Variants in NT5DC3 observed in about 807,000 individuals in gnomAD.
NT5DC3 encodes the protein 5'-nucleotidase domain containing 3.
In NT5DC3, 42 loss-of-function variants were observed where a neutral mutation model predicts 67.8. The ratio of observed to expected loss-of-function variants is 0.62; its 90% CI spans 0.48 to 0.80. The LOEUF is 0.80. Ranked by LOEUF, NT5DC3 falls within the 30% of genes least tolerant of loss-of-function variation. NT5DC3 has a pLI of 0.00. For synonymous variants in NT5DC3, 237 were observed against 255.6 expected, an observed-to-expected ratio of 0.93 and a Z score of 0.69; for missense variants, 570 against 696.4, an observed-to-expected ratio of 0.82 and a Z score of 2.04.
intron 1 of NT5DC3, among the ~76,000 whole-genome samples, chr12:103,826,593 C>A (rs1887705875): frequency 6.6e-6 from 1 of 152,234 alleles, no homozygotes; most frequent in Non-Finnish European, 1.5e-5. Flanking sequence ...TGCAGTCCTG[C>A]AACACCTTGA....
At chr12:103,790,681 G>A (rs958502844) in intron 9 of NT5DC3, among the ~76,000 whole-genome samples, 5 of 144,286 alleles carry the variant, frequency 3.5e-5, no homozygotes, top group Non-Finnish European at 7.6e-5. Context: ...ACGGCACCCC[G>A]GCCCAAGTAC....
intron 2 of NT5DC3, among the ~76,000 whole-genome samples, chr12:103,814,564 T>C (rs1260188088): frequency 1.3e-5 from 2 of 152,212 alleles, no homozygotes; most frequent in African/African-American, 4.8e-5. Flanking sequence ...TTCAAATTGG[T>C]GTTGAAGGTA....
At chr12:103,785,584 T>C in intron 11 of NT5DC3, 109 bp from the exon 12 acceptor site, 1 of 1,096,376 alleles carries the variant, frequency 9.1e-7, no homozygotes, top group East Asian at 2.4e-5. Context: ...TTGATGGTAA[T>C]GGTTAGTTAT....
At chr12:103,826,226 T>G (rs547094864) in intron 1 of NT5DC3, among the ~76,000 whole-genome samples, 93 of 152,372 alleles carry the variant, frequency 6.1e-4, no homozygotes, top group African/African-American at 2.1e-3. Context: ...TAGTAAGATG[T>G]GGCAGACAGA....
chr12:103,794,852 C>G (rs937578276), intron 6 of NT5DC3, among the ~76,000 whole-genome samples: 1 of 152,136 alleles, frequency 6.6e-6, no homozygotes, highest in African/African-American at 2.4e-5. Flanking sequence ...GTGGTTAAAC[C>G]CTTTGTGGGT....
chr12:103,803,862 C>CCA (rs1555262132), intron 4 of NT5DC3, among the ~76,000 whole-genome samples: 1 of 125,462 alleles, frequency 8.0e-6, no homozygotes, highest in African/African-American at 2.7e-5. Context: ...CATTACCACC[C>CCA]CCCCCCCAAA....
chr12:103,762,624 G>T, the NT5DC3 span, among the ~76,000 whole-genome samples: 1 of 152,320 alleles, frequency 6.6e-6, no homozygotes, highest in Non-Finnish European at 1.5e-5. Context: ...CCTTCTGGCT[G>T]AGACAGGGCT....
chr12:103,790,539 G>T lies in NT5DC3; in HGVS notation c.1020-1620C>A, dbSNP rs117907031. ...GTCTCCCAAAGTGCTGGGACTACAGGTGTGACCAACTAATTTTTTAATTAT... is the reference window on the plus strand; with the variant it reads ...GTCTCCCAAAGTGCTGGGACTACAGTTGTGACCAACTAATTTTTTAATTAT... On this transcript the variant is annotated intron_variant, in intron 9 of 13. Coordinates refer to ENST00000392876, the MANE Select transcript of NT5DC3 (RefSeq NM_001031701.3). Among the ~76,000 whole-genome samples, 4 of 152,004 alleles carry T rather than the reference G, an allele frequency of 2.6e-5. No homozygotes were observed. The South Asian group carries it at 8.3e-4, about 32-fold the overall frequency.
chr12:103,823,376 A>G (rs1213757091), intron 1 of NT5DC3, among the ~76,000 whole-genome samples: 1 of 152,234 alleles, frequency 6.6e-6, no homozygotes, highest in African/African-American at 2.4e-5. Flanking sequence ...ACTAAGAAGT[A>G]CACGACCTCA....
intron 2 of NT5DC3, among the ~76,000 whole-genome samples, chr12:103,809,951 C>T (rs191504518): frequency 9.8e-5 from 15 of 152,300 alleles, no homozygotes; most frequent in Middle Eastern, 3.4e-3. Flanking sequence ...TCGTCTGTCC[C>T]TCTAAGCCTT....
Position 103,778,058 on chromosome 12 carries a change from T to C in NT5DC3, c.1418A>G (p.Asn473Ser), listed in dbSNP as rs755315974. ...EMREMTKSFF[N>S]AQFGSLFRTD... is the part of the protein sequence containing the mutation. ...GCGGAACAGGCTTCCAAACTGGGCA[T>C]TGAAGAAACTCTTGGTCATTTCTCT... Residue 473 changes from asparagine (N) to serine (S), a missense_variant, in exon 14 of 14, where the codon AAT (asparagine) becomes AGT (serine). Transcript: ENST00000392876. The C allele has an allele frequency of 9.3e-6, 15 of 1,613,042 alleles. No individual in the cohort carries two copies. The highest frequency in any genetic ancestry group is 1.7e-5 in the Admixed American group (1 of 59,822).
At chr12:103,753,380 GCAGA>G in the NT5DC3 span, 27 of 1,613,922 alleles carry the variant, frequency 1.7e-5, no homozygotes, top group Non-Finnish European at 2.2e-5. Context: ...CAGATTCTGT[GCAGA>G]CAGAGTCTGC....
At chr12:103,778,170 T>TA (rs71098000) in intron 13 of NT5DC3, 89 bp from the exon 14 acceptor site, 19,406 of 1,148,462 alleles carry the variant, frequency 0.017, no homozygotes, top group African/African-American at 0.019. Flanking sequence ...CTTCTTTTTT[T>TA]AAAAAAAAAA....
At chr12:103,817,425 G>C (rs528809013) in intron 1 of NT5DC3, among the ~76,000 whole-genome samples, 2 of 152,182 alleles carry the variant, frequency 1.3e-5, no homozygotes, top group Non-Finnish European at 1.5e-5. Context: ...CTCACAGGCA[G>C]ACAAATGCTG....
intron 1 of NT5DC3, among the ~76,000 whole-genome samples, chr12:103,827,191 G>A (rs1030470246): frequency 2.0e-5 from 3 of 152,212 alleles, no homozygotes; most frequent in Non-Finnish European, 4.4e-5. Flanking sequence ...GTTACAGTGA[G>A]CTGTGATCAT....
chr12:103,787,532 A>C lies in NT5DC3; in HGVS notation c.1102-5T>G. The C allele has an allele frequency of 1.3e-6, 2 of 1,501,370 alleles. No individual in the cohort carries two copies. Among genetic ancestry groups the C allele is most frequent in the Non-Finnish European group, 1.8e-6 (2 of 1,087,206 alleles). The allele number at this position is 1,501,370 out of a possible 1,614,324, so 93.0% of individuals were successfully genotyped here. A position where few individuals can be genotyped will look rare whatever the true frequency, so the allele number is the denominator to read the frequency against. ...CAAAAATTCATATAAATTACCCTGT[A>C]ATCAGAGAAAACTATAGTTATTATT... On this transcript the variant is annotated splice_polypyrimidine_tract_variant and splice_region_variant and intron_variant, in intron 10 of 13. Coordinates refer to ENST00000392876, the MANE Select transcript of NT5DC3 (RefSeq NM_001031701.3).
At chr12:103,837,962 C>T (rs531019532) in intron 1 of NT5DC3, among the ~76,000 whole-genome samples, 1 of 152,296 alleles carries the variant, frequency 6.6e-6, no homozygotes, top group African/African-American at 2.4e-5. Flanking sequence ...TTTCATGCTG[C>T]TAATAAAGAC....
chr12:103,765,094 A>C, the NT5DC3 span, among the ~76,000 whole-genome samples: 23 of 151,012 alleles, frequency 1.5e-4, no homozygotes, highest in African/African-American at 5.1e-4. Flanking sequence ...CTCAAAAAAA[A>C]AAAAAAAAAA....
At chr12:103,757,975 T>C in the NT5DC3 span, 9 of 737,590 alleles carry the variant, frequency 1.2e-5, no homozygotes, top group Admixed American at 5.7e-5. Flanking sequence ...TCTTAAACCA[T>C]AGGATTCACT....
Sources: gnomAD v4.1 joint callset for allele counts (sites outside exome capture counted in the v4.1 genomes callset) on GRCh38, gnomAD v4.1.1 for gene constraint, MANE v1.5 for transcripts, NCBI Gene and HGNC (gene_info 2026-07-23, HGNC 2026-07-21) for gene names.